Variants in TMEM120B observed in about 807,000 individuals in gnomAD.
The protein encoded by TMEM120B is transmembrane protein 120B.
In TMEM120B, 31 loss-of-function variants were observed where a neutral mutation model predicts 55.5. The observed-to-expected ratio is 0.56, with a 90% CI of 0.42 to 0.75. The LOEUF is 0.75. TMEM120B is among the 30% of genes least tolerant of loss of function. The pLI is 0.00. For synonymous variants in TMEM120B, 203 were observed against 176.3 expected, an observed-to-expected ratio of 1.15 and a Z score of -1.20; for missense variants, 399 against 425.5, an observed-to-expected ratio of 0.94 and a Z score of 0.55.
chr12:121,750,850 C>CA (rs1873272237), intron 4 of TMEM120B, among the ~76,000 whole-genome samples: 1 of 135,714 alleles, frequency 7.4e-6, no homozygotes, highest in Non-Finnish European at 1.6e-5. Flanking sequence ...ACTCCACACC[C>CA]CATACCCACA....
intron 4 of TMEM120B, among the ~76,000 whole-genome samples, chr12:121,751,769 G>A (rs1873338362): frequency 6.6e-6 from 1 of 151,818 alleles, no homozygotes; most frequent in Non-Finnish European, 1.5e-5. Context: ...ATAGGGAGAT[G>A]GGCAGTCCAG....
chr12:121,729,452 A>C (rs546561244), intron 1 of TMEM120B, among the ~76,000 whole-genome samples: 9 of 152,320 alleles, frequency 5.9e-5, no homozygotes, highest in African/African-American at 1.7e-4. Context: ...TTCCTCAAAA[A>C]ATTAAACATC....
chr12:121,718,311 C>T (rs981758048), intron 1 of TMEM120B, among the ~76,000 whole-genome samples: 11 of 152,012 alleles, frequency 7.2e-5, no homozygotes, highest in Non-Finnish European at 1.3e-4. Context: ...TGGTGAAACC[C>T]CATCACTATA....
intron 1 of TMEM120B, among the ~76,000 whole-genome samples, chr12:121,727,549 A>AG (rs62916060): frequency 1.9e-5 from 1 of 52,860 alleles, no homozygotes; most frequent in Admixed American, 1.8e-4. Context: ...AAAAAAAAAA[A>AG]AAAAAAAAAA....
At chr12:121,769,715 C>CGTGTGTGT (rs63639861) in intron 6 of TMEM120B, among the ~76,000 whole-genome samples, 19,855 of 147,384 alleles carry the variant, frequency 0.13, 1,937 homozygotes, top group African/African-American at 0.27. Context: ...AAAGAGAAAA[C>CGTGTGTGT]GTGTGTGTGT....
rs768121176 is a variant in TMEM120B at position 121,761,736 on chromosome 12, A to G, written c.549A>G (p.Ser183=). ...IRESILISNG[S]RIKGWWVSHH... is the part of the protein sequence containing the mutation. The stretch of plus-strand genomic sequence containing the variant: ...AGAGCATTCTCATCAGCAACGGCTC[A>G]AGGTACCTGGGCACCTGGCTTTGTG... The change falls in exon 6 of 12, where the codon TCA becomes TCG. Residue 183 remains serine (S), a splice_region_variant and synonymous_variant. Transcript: ENST00000449592. The G allele has an allele frequency of 6.2e-7, 1 of 1,612,618 alleles. No homozygotes were observed. Among genetic ancestry groups the G allele is most frequent in the South Asian group, 1.1e-5 (1 of 91,056 alleles).
At chr12:121,719,286 T>C (rs1894753453) in intron 1 of TMEM120B, among the ~76,000 whole-genome samples, 1 of 150,484 alleles carries the variant, frequency 6.6e-6, no homozygotes, top group African/African-American at 2.4e-5. Flanking sequence ...AGGCACCTTT[T>C]GGGGGGCTAA....
In TMEM120B at chr12:121,781,245, C is replaced by A; in HGVS notation, c.*5523C>A. 1 of 1,536,772 alleles carries A rather than the reference C, an allele frequency of 6.5e-7. No individual in the cohort carries two copies. Among genetic ancestry groups the A allele is most frequent in the South Asian group, 1.1e-5 (1 of 88,058 alleles). Reference sequence around the variant, plus strand: ...GGGACGTCCCCTCCCTGTCTGGACTCTGACGGGTGAAGGGGAAGGGGCCAG... The same window carrying A: ...GGGACGTCCCCTCCCTGTCTGGACTATGACGGGTGAAGGGGAAGGGGCCAG... On this transcript the variant is annotated 3_prime_UTR_variant, in exon 12 of 12. Coordinates refer to ENST00000449592, the MANE Select transcript of TMEM120B (RefSeq NM_001080825.2).
rs1053100526 is a variant in TMEM120B at position 121,781,754 on chromosome 12, GCTT to G, written c.*6035_*6037del. On this transcript the variant is annotated 3_prime_UTR_variant, in exon 12 of 12. Coordinates refer to ENST00000449592, the MANE Select transcript of TMEM120B (RefSeq NM_001080825.2). ...GGCTGGTGTCTGGCTTCAGCCTCCA[GCTT>G]CTCAGGTTCTGATGCAGTCAGCTGA... The G allele has an allele frequency of 6.5e-6, 1 of 154,776 alleles. No homozygotes were observed. The highest frequency in any genetic ancestry group is 1.4e-5 in the Non-Finnish European group (1 of 69,650). The allele number at this position is 154,776 out of a possible 1,614,324, so 9.6% of individuals were successfully genotyped here.
At chr12:121,772,039 CT>C (rs1566526395) in intron 8 of TMEM120B, among the ~76,000 whole-genome samples, 124 of 114,154 alleles carry the variant, frequency 1.1e-3, no homozygotes, top group Non-Finnish European at 1.7e-3. Flanking sequence ...TTCTTTCTTT[CT>C]CTTTCTTTCT....
intron 1 of TMEM120B, among the ~76,000 whole-genome samples, chr12:121,734,120 A>G (rs1895058180): frequency 6.6e-6 from 1 of 151,682 alleles, no homozygotes; most frequent in East Asian, 1.9e-4. Flanking sequence ...ATGCTCGTGG[A>G]TTCTGTGGGT....
intron 4 of TMEM120B, among the ~76,000 whole-genome samples, 189 bp downstream of exon 4, chr12:121,750,628 C>A: frequency 7.0e-6 from 1 of 143,826 alleles, no homozygotes; most frequent in Non-Finnish European, 1.5e-5. Context: ...CAACACCACA[C>A]CCACACCCCA....
chr12:121,752,498 A>G (rs1322781437), intron 5 of TMEM120B, among the ~76,000 whole-genome samples: 1 of 152,190 alleles, frequency 6.6e-6, no homozygotes, highest in Non-Finnish European at 1.5e-5. Context: ...CACGCCTGTA[A>G]TCCCAGTACT....
intron 5 of TMEM120B, among the ~76,000 whole-genome samples, chr12:121,753,821 G>T (rs1410054043): frequency 6.6e-6 from 1 of 152,216 alleles, no homozygotes; most frequent in Non-Finnish European, 1.5e-5. Context: ...AAGGGTGACG[G>T]CAGTCCCTGC....
intron 5 of TMEM120B, among the ~76,000 whole-genome samples, chr12:121,760,396 G>A (rs1404134776): frequency 6.6e-6 from 1 of 152,110 alleles, no homozygotes; most frequent in East Asian, 1.9e-4. Context: ...CTTATATGCT[G>A]GCAGACTTCC....
At chr12:121,772,071 T>C (rs994258798) in intron 8 of TMEM120B, among the ~76,000 whole-genome samples, 3 of 146,636 alleles carry the variant, frequency 2.0e-5, no homozygotes, top group South Asian at 2.1e-4. Flanking sequence ...TCCTTTCTTT[T>C]TCTTTCTTTC....
chr12:121,730,647 C>CAA (rs71079088), intron 1 of TMEM120B, among the ~76,000 whole-genome samples: 4,690 of 94,398 alleles, frequency 0.05, 234 homozygotes, highest in African/African-American at 0.14. Context: ...GAGACACAGT[C>CAA]AAAAAAAAAA....
At chr12:121,758,241 G>A in intron 5 of TMEM120B, 1 of 985,462 alleles carries the variant, frequency 1.0e-6, no homozygotes, top group Non-Finnish European at 1.2e-6. Flanking sequence ...TCACATGGTG[G>A]GTCGGCCTCT....
chr12:121,757,209 TGGA>T (rs1047962540), intron 5 of TMEM120B, among the ~76,000 whole-genome samples: 26 of 151,880 alleles, frequency 1.7e-4, no homozygotes, highest in African/African-American at 6.3e-4. Flanking sequence ...TCACCCAGGC[TGGA>T]GTACAGTGGT....
Sources: allele counts gnomAD v4.1 joint callset (sites outside exome capture counted in the v4.1 genomes callset), GRCh38; gene constraint gnomAD v4.1.1; transcripts MANE v1.5; gene names NCBI Gene and HGNC (gene_info 2026-07-23, HGNC 2026-07-21).